The following PDZRN4 variants were observed in gnomAD, a reference collection of about 807,000 sequenced individuals.
PDZRN4 encodes the protein PDZ domain containing ring finger 4, also known as PDZ domain-containing RING finger protein 4.
PDZRN4 carries 70 observed loss-of-function variants against 99.0 expected under a neutral mutation model. The observed-to-expected ratio is 0.71, with a 90% CI of 0.58 to 0.86. PDZRN4 has a LOEUF of 0.86. Ranked by LOEUF, PDZRN4 falls within the 40% of genes least tolerant of loss-of-function variation. PDZRN4 has a pLI of 0.00. For missense variants in PDZRN4, 1,474 were observed against 1,331.2 expected, an observed-to-expected ratio of 1.11 and a Z score of -1.67; for synonymous variants, 551 against 501.6, an observed-to-expected ratio of 1.10 and a Z score of -1.32.
chr12:41,236,099 A>G (rs927481299), intron 3 of PDZRN4, among the ~76,000 whole-genome samples: 4 of 152,180 alleles, frequency 2.6e-5, no homozygotes, highest in Non-Finnish European at 5.9e-5. Context: ...TTGAAGAGTG[A>G]TTGAATAGTT....
intron 3 of PDZRN4, among the ~76,000 whole-genome samples, chr12:41,469,694 G>A (rs904440503): frequency 7.9e-5 from 12 of 152,168 alleles, no homozygotes; most frequent in African/African-American, 2.9e-4. Context: ...CACTTTGGGA[G>A]GCCGAGGGGG....
chr12:41,490,595 T>A (rs975851008), intron 3 of PDZRN4, among the ~76,000 whole-genome samples: 1 of 152,104 alleles, frequency 6.6e-6, no homozygotes, highest in Non-Finnish European at 1.5e-5. Context: ...GTATGTTTTA[T>A]ATTTATTATT....
At chr12:41,205,957 T>C (rs1240168203) in intron 3 of PDZRN4, among the ~76,000 whole-genome samples, 1 of 151,996 alleles carries the variant, frequency 6.6e-6, no homozygotes, top group Non-Finnish European at 1.5e-5. Flanking sequence ...AGCTATTCTT[T>C]AGAGTTCAAC....
chr12:41,290,792 T>C (rs1255864102), intron 3 of PDZRN4, among the ~76,000 whole-genome samples: 1 of 152,148 alleles, frequency 6.6e-6, no homozygotes, highest in African/African-American at 2.4e-5. Flanking sequence ...AATGAGGTAT[T>C]TATTACCTTT....
intron 3 of PDZRN4, among the ~76,000 whole-genome samples, chr12:41,450,360 A>G (rs1952764585): frequency 6.6e-6 from 1 of 152,162 alleles, no homozygotes; most frequent in East Asian, 1.9e-4. Flanking sequence ...TAGATAGACA[A>G]CTCAGAGAGG....
At chr12:41,433,786 G>C (rs551816097) in intron 3 of PDZRN4, among the ~76,000 whole-genome samples, 1 of 152,302 alleles carries the variant, frequency 6.6e-6, no homozygotes, top group Non-Finnish European at 1.5e-5. Flanking sequence ...TTGATAAGGG[G>C]CACAATTATG....
At chr12:41,345,808 A>T (rs566306602) in intron 3 of PDZRN4, among the ~76,000 whole-genome samples, 3 of 152,252 alleles carry the variant, frequency 2.0e-5, no homozygotes, top group Admixed American at 2.0e-4. Context: ...TAAAACTGAA[A>T]GATAAACTTC....
At chr12:41,514,055 C>A (rs1938354074) in intron 5 of PDZRN4, among the ~76,000 whole-genome samples, 1 of 151,974 alleles carries the variant, frequency 6.6e-6, no homozygotes, top group Non-Finnish European at 1.5e-5. Context: ...AAATAAGTAC[C>A]CTTTATGCGT....
intron 3 of PDZRN4, among the ~76,000 whole-genome samples, chr12:41,385,782 TGAG>T (rs1288621260): frequency 6.6e-6 from 1 of 152,020 alleles, no homozygotes; most frequent in Non-Finnish European, 1.5e-5. Context: ...TCCAAAAAGT[TGAG>T]GAGGAAGGAC....
chr12:41,454,462 A>T (rs1952801940), intron 3 of PDZRN4, among the ~76,000 whole-genome samples: 1 of 152,222 alleles, frequency 6.6e-6, no homozygotes, highest in African/African-American at 2.4e-5. Flanking sequence ...AAATGAAATA[A>T]ATGTGGCCAA....
chr12:41,444,659 G>A (rs1252764093), intron 3 of PDZRN4, among the ~76,000 whole-genome samples: 1 of 152,110 alleles, frequency 6.6e-6, no homozygotes, highest in Non-Finnish European at 1.5e-5. Flanking sequence ...TGTCAAAAAT[G>A]AAGTTACTGC....
rs964940106 is a variant in PDZRN4, at chr12:41,224,626, A to G, written c.843+30438A>G. Among the ~76,000 whole-genome samples the G allele has an allele frequency of 3.9e-5, 6 of 152,326 alleles. No homozygotes were observed. The East Asian group carries it at 7.7e-4, about 20-fold the overall frequency. ...AGAGAATTGTGAATATTTTCTGATC[A>G]TGGAGATAATTCCAATTTTATAGTA... On this transcript the variant is annotated intron_variant, in intron 3 of 9. Transcript: ENST00000402685.
At chr12:41,272,505 G>T (rs1427525624) in intron 3 of PDZRN4, among the ~76,000 whole-genome samples, 1 of 151,948 alleles carries the variant, frequency 6.6e-6, no homozygotes, top group Non-Finnish European at 1.5e-5. Context: ...AATCTTTGCA[G>T]CTACTTAAGA....
At position 41,349,667 on chromosome 12, in the gene PDZRN4, T is replaced by C. The variant is rs1033739727; in HGVS notation, c.843+155479T>C. On this transcript the variant is annotated intron_variant, in intron 3 of 9. Transcript: ENST00000402685. ...CGACATCTATTGACTTCCTAGTTTGTACCCAGCACCACAAGAGAATCTTGT... is the reference window on the plus strand; with the variant it reads ...CGACATCTATTGACTTCCTAGTTTGCACCCAGCACCACAAGAGAATCTTGT... Among the ~76,000 whole-genome samples, 8 of 152,182 alleles carry C rather than the reference T, an allele frequency of 5.3e-5. No individual in the cohort carries two copies. The East Asian group carries it at 1.5e-3, about 29-fold the overall frequency.
At chr12:41,285,330 G>A (rs1040223978) in intron 3 of PDZRN4, among the ~76,000 whole-genome samples, 1 of 152,112 alleles carries the variant, frequency 6.6e-6, no homozygotes, top group African/African-American at 2.4e-5. Context: ...AGTTAGAATG[G>A]CAGTCATTAA....
intron 3 of PDZRN4, among the ~76,000 whole-genome samples, chr12:41,419,170 A>G (rs1952470682): frequency 6.6e-6 from 1 of 152,090 alleles, no homozygotes; most frequent in South Asian, 2.1e-4. Context: ...CCTGTTTCAT[A>G]TCTGGTGTTT....
chr12:41,239,868 A>G (rs1951091612), intron 3 of PDZRN4, among the ~76,000 whole-genome samples: 1 of 152,230 alleles, frequency 6.6e-6, no homozygotes. Flanking sequence ...TAAAAATGAA[A>G]ACCTTGAAAT....
chr12:41,381,399 A>T (rs1424268300), intron 3 of PDZRN4, among the ~76,000 whole-genome samples: 1 of 151,844 alleles, frequency 6.6e-6, no homozygotes, highest in East Asian at 1.9e-4. Context: ...TAAGTCTTGC[A>T]GATTTTCTTC....
rs187621333 is a variant in PDZRN4, at chr12:41,478,328, C to T, written c.844-28128C>T. ...ACGAGGTTTCAGCATGTTGGCCAGGCTGATCTCCAGCTCCTGACCTCAGGT... is the reference window on the plus strand; with the variant it reads ...ACGAGGTTTCAGCATGTTGGCCAGGTTGATCTCCAGCTCCTGACCTCAGGT... On this transcript the variant is annotated intron_variant, in intron 3 of 9. Transcript: ENST00000402685. Among the ~76,000 whole-genome samples, 526 of 152,180 alleles carry T rather than the reference C, an allele frequency of 3.5e-3. 4 individuals carry two copies. Among genetic ancestry groups the T allele is most frequent in the Non-Finnish European group, 5.4e-3 (370 of 68,000 alleles).
Sources: allele counts gnomAD v4.1 joint callset (sites outside exome capture counted in the v4.1 genomes callset), GRCh38; gene constraint gnomAD v4.1.1; transcripts MANE v1.5; gene names NCBI Gene and HGNC (gene_info 2026-07-23, HGNC 2026-07-21).